Variants in ZNF804B observed in about 807,000 individuals in gnomAD.
The protein encoded by ZNF804B is zinc finger 804B.
ZNF804B carries 80 observed loss-of-function variants against 101.4 expected under a neutral mutation model. That is an observed-to-expected ratio of 0.79 (90% CI 0.66 to 0.95). The LOEUF is 0.95. ZNF804B is among the 40% of genes least tolerant of loss of function. The probability of loss-of-function intolerance (pLI) is 0.00; values close to 1 mark genes in which losing one functional copy is unlikely to be tolerated. For synonymous variants in ZNF804B, 622 were observed against 558.8 expected (o/e 1.11, Z -1.59); for missense variants, 1,673 against 1,561.9 (o/e 1.07, Z -1.20).
At chr7:89,049,429 C>A (rs756306682) in intron 1 of ZNF804B, among the ~76,000 whole-genome samples, 10 of 152,102 alleles carry the variant, frequency 6.6e-5, no homozygotes, top group Non-Finnish European at 1.3e-4. Flanking sequence ...GAAAACTTGC[C>A]AGCTGGTTTT....
At chr7:88,807,625 T>A (rs1013518938) in intron 1 of ZNF804B, among the ~76,000 whole-genome samples, 6 of 152,168 alleles carry the variant, frequency 3.9e-5, no homozygotes, top group African/African-American at 1.4e-4. Context: ...TGGTGCTGGG[T>A]GCCAGTGTCT....
At chr7:89,071,230 A>T (rs79024448) in intron 1 of ZNF804B, among the ~76,000 whole-genome samples, 1 of 152,124 alleles carries the variant, frequency 6.6e-6, no homozygotes, top group Non-Finnish European at 1.5e-5. Flanking sequence ...CACCCCATGC[A>T]TGTGGAACCC....
At chr7:88,854,311 G>T (rs751358016) in intron 1 of ZNF804B, among the ~76,000 whole-genome samples, 1 of 152,006 alleles carries the variant, frequency 6.6e-6, no homozygotes, top group Non-Finnish European at 1.5e-5. Flanking sequence ...AGAAAATAAG[G>T]GGGAGCAAAT....
At chr7:89,104,807 G>T (rs1790110924) in intron 1 of ZNF804B, among the ~76,000 whole-genome samples, 1 of 151,928 alleles carries the variant, frequency 6.6e-6, no homozygotes. Flanking sequence ...TCTGTGAGGT[G>T]ACTCTGAGGC....
At chr7:89,216,707 C>T (rs1020698658) in intron 1 of ZNF804B, among the ~76,000 whole-genome samples, 2 of 152,126 alleles carry the variant, frequency 1.3e-5, no homozygotes, top group Non-Finnish European at 2.9e-5. Context: ...ATGTTACACA[C>T]GTCTAAATTA....
intron 1 of ZNF804B, among the ~76,000 whole-genome samples, chr7:89,158,200 T>A (rs977604128): frequency 6.6e-6 from 1 of 152,200 alleles, no homozygotes; most frequent in Non-Finnish European, 1.5e-5. Flanking sequence ...CTCCAGATTC[T>A]GGTTCAAACA....
At chr7:88,988,476 C>A (rs1034457658) in intron 1 of ZNF804B, among the ~76,000 whole-genome samples, 1 of 152,032 alleles carries the variant, frequency 6.6e-6, no homozygotes, top group South Asian at 2.1e-4. Context: ...CATTCACTGA[C>A]GTATATACAG....
At chr7:89,219,474 C>G (rs1788947498) in intron 2 of ZNF804B, among the ~76,000 whole-genome samples, 1 of 151,650 alleles carries the variant, frequency 6.6e-6, no homozygotes, top group African/African-American at 2.4e-5. Flanking sequence ...CTTGAAAGAT[C>G]ATATGGGCAT....
Position 89,327,425 on chromosome 7 carries a change from G to A in ZNF804B, c.331G>A (p.Ala111Thr), listed in dbSNP as rs749772900. The change falls in exon 3 of 4, where the codon GCA (alanine) becomes ACA (threonine). Residue 111 changes from alanine (A) to threonine (T), a missense_variant. Ala to Thr is a moderately conservative substitution (Grantham distance 58, BLOSUM62 0). Transcript: ENST00000333190. ...SWKDEKKQEK[A>T]LKRLHQLAEL... is the part of the protein sequence containing the mutation. ...GAAAGATGAGAAAAAACAAGAAAAA[G>A]CACTTAAACGACTTCATCAGCTGGC... is the stretch of plus-strand genomic sequence containing the variant. The A allele has an allele frequency of 1.9e-6, 3 of 1,611,274 alleles. No homozygotes were observed. Among genetic ancestry groups the A allele is most frequent in the Non-Finnish European group, 1.7e-6 (2 of 1,178,548 alleles).
At chr7:89,006,341 T>C (rs1036290952) in intron 1 of ZNF804B, among the ~76,000 whole-genome samples, 2 of 152,114 alleles carry the variant, frequency 1.3e-5, no homozygotes, top group Non-Finnish European at 2.9e-5. Flanking sequence ...CCTCTTATCA[T>C]AGATGGGAGA....
chr7:89,156,066 T>TTCTTTCTTTCTTTCTC lies in ZNF804B; in HGVS notation c.109-62082_109-62081insTTCTTTCTCTCTTTCT, dbSNP rs1554371377. Among the ~76,000 whole-genome samples, 201 of 66,490 alleles carry TTCTTTCTTTCTTTCTC rather than the reference T, an allele frequency of 3.0e-3. 1 individual carries two copies. The highest frequency in any genetic ancestry group is 9.2e-3 in the African/African-American group (190 of 20,554). 43.6% of individuals were successfully genotyped at this position (66,490 alleles called of 152,430 possible). A position where few individuals can be genotyped will look rare whatever the true frequency, so the allele number is the denominator to read the frequency against. On this transcript the variant is annotated intron_variant, in intron 1 of 3. Coordinates refer to ENST00000333190, the MANE Select transcript of ZNF804B (RefSeq NM_181646.5). ...TTTCTTTCTTTCTTTCTTTCTTTCT[T>TTCTTTCTTTCTTTCTC]TCTTTCTCTCTTTCTCTCTTTCCTT...
At chr7:89,133,073 G>T (rs983423786) in intron 1 of ZNF804B, among the ~76,000 whole-genome samples, 1 of 151,910 alleles carries the variant, frequency 6.6e-6, no homozygotes, top group African/African-American at 2.4e-5. Context: ...TAGGCAGGGG[G>T]CGTGTATCTC....
intron 1 of ZNF804B, among the ~76,000 whole-genome samples, chr7:88,857,639 A>G (rs1163833597): frequency 3.6e-4 from 54 of 151,982 alleles, no homozygotes; most frequent in African/African-American, 2.4e-5. Flanking sequence ...CCAACCAAAA[A>G]AAGTCCAGGA....
intron 1 of ZNF804B, among the ~76,000 whole-genome samples, chr7:88,929,300 AAATCTTAGTG>A (rs1000983211): frequency 9.9e-5 from 15 of 151,810 alleles, no homozygotes; most frequent in African/African-American, 3.4e-4. Context: ...TCCAGTCAAA[AAATCTTAGTG>A]AATCTTACTT....
intron 1 of ZNF804B, among the ~76,000 whole-genome samples, chr7:89,124,865 C>G (rs1790456155): frequency 1.3e-5 from 2 of 151,822 alleles, no homozygotes; most frequent in Admixed American, 6.6e-5. Flanking sequence ...GGAGTAGTCT[C>G]AGGTCAGAAA....
At chr7:89,288,524 C>T (rs567075332) in intron 2 of ZNF804B, among the ~76,000 whole-genome samples, 27 of 152,214 alleles carry the variant, frequency 1.8e-4, no homozygotes, top group East Asian at 1.7e-3. Context: ...TTACTTTTAA[C>T]GATGCAATAA....
In ZNF804B at chr7:88,800,691, T is replaced by TG. The variant is rs1586908539; in HGVS notation, c.108+40607_108+40608insG. Among the ~76,000 whole-genome samples the TG allele has an allele frequency of 8.4e-5, 8 of 95,318 alleles. No homozygotes were observed. In the South Asian group the frequency reaches 2.3e-3, roughly 27 times the overall value. 62.5% of individuals were successfully genotyped at this position (95,318 alleles called of 152,430 possible). A position where few individuals can be genotyped will look rare whatever the true frequency, so the allele number is the denominator to read the frequency against. ...GCTGGGAATTAAAAAATAGATATGA[T>TG]TTGTGTGTGTGTGTGTGTGTGTGTG... On this transcript the variant is annotated intron_variant, in intron 1 of 3. Coordinates refer to ENST00000333190, the MANE Select transcript of ZNF804B (RefSeq NM_181646.5).
At chr7:89,212,308 C>T (rs1766682377) in intron 1 of ZNF804B, among the ~76,000 whole-genome samples, 1 of 150,736 alleles carries the variant, frequency 6.6e-6, no homozygotes, top group Non-Finnish European at 1.5e-5. Context: ...GCAGAACATC[C>T]AAACATTGAG....
At chr7:88,820,743 TGAG>T (rs1790964352) in intron 1 of ZNF804B, among the ~76,000 whole-genome samples, 1 of 151,954 alleles carries the variant, frequency 6.6e-6, no homozygotes, top group Non-Finnish European at 1.5e-5. Context: ...GAATGAGGAC[TGAG>T]GAGGAGGGAA....
Sources: gnomAD v4.1 joint callset for allele counts (sites outside exome capture counted in the v4.1 genomes callset) on GRCh38, gnomAD v4.1.1 for gene constraint, MANE v1.5 for transcripts, NCBI Gene and HGNC (gene_info 2026-07-23, HGNC 2026-07-21) for gene names.